The following PDE6A variants were observed in gnomAD, a reference collection of about 807,000 sequenced individuals.
The protein encoded by PDE6A is phosphodiesterase 6A, also known as rod cGMP-specific 3',5'-cyclic phosphodiesterase subunit alpha.
Under a neutral mutation model 106.3 loss-of-function variants are expected in PDE6A, and 84 were observed. The observed-to-expected ratio is 0.79, with a 90% CI of 0.66 to 0.95. The LOEUF is 0.95. Among genes scored for constraint, PDE6A ranks in the 40% least tolerant of loss-of-function variants. The probability of loss-of-function intolerance (pLI) is 0.00; values close to 1 mark genes in which losing one functional copy is unlikely to be tolerated. For missense variants in PDE6A, 1,052 were observed against 1,084.9 expected (o/e 0.97, Z 0.43); for synonymous variants, 394 against 386.6 (o/e 1.02, Z -0.23).
At chr5:149,896,289 C>CT (rs964945646) in intron 12 of PDE6A, 67 bp downstream of exon 12, 97 of 1,353,674 alleles carry the variant, frequency 7.2e-5, no homozygotes, top group Non-Finnish European at 8.8e-5. Context: ...CAGATTGAGT[C>CT]TTTTTTTTAA....
intron 13 of PDE6A, 95 bp downstream of exon 13, chr5:149,895,088 A>G (rs1380289313): frequency 5.0e-6 from 4 of 798,942 alleles, no homozygotes; most frequent in Non-Finnish European, 9.0e-6. Context: ...TAAATAAAGA[A>G]AGAAGAACAA....
At chr5:149,913,345 G>A (rs2113625912) in intron 6 of PDE6A, among the ~76,000 whole-genome samples, 1 of 149,246 alleles carries the variant, frequency 6.7e-6, no homozygotes, top group East Asian at 2.0e-4. Context: ...TTCGGCCACT[G>A]CACTCCAGCC....
chr5:149,900,855 T>C (rs1289414357), intron 8 of PDE6A, among the ~76,000 whole-genome samples: 1 of 152,086 alleles, frequency 6.6e-6, no homozygotes, highest in African/African-American at 2.4e-5. Context: ...ACAGATTTTA[T>C]TGAAAATGAA....
intron 13 of PDE6A, among the ~76,000 whole-genome samples, chr5:149,892,704 C>G (rs1371307246): frequency 6.6e-6 from 1 of 152,092 alleles, no homozygotes; most frequent in Admixed American, 6.5e-5. Flanking sequence ...TGACCTCGAA[C>G]TCCTGGGCTC....
intron 3 of PDE6A, chr5:149,932,638 T>G: frequency 6.2e-7 from 1 of 1,613,672 alleles, no homozygotes; most frequent in Non-Finnish European, 8.5e-7. Context: ...GTATATTCCA[T>G]TTCGTACGAA....
chr5:149,884,362 A>G, intron 16 of PDE6A, 117 bp downstream of exon 16: 1 of 699,368 alleles, frequency 1.4e-6, no homozygotes, highest in Non-Finnish European at 2.6e-6. Context: ...ATATGTGTAT[A>G]TATGTATATA....
intron 13 of PDE6A, among the ~76,000 whole-genome samples, chr5:149,887,555 G>T (rs1752359051): frequency 6.6e-6 from 1 of 152,034 alleles, no homozygotes; most frequent in Admixed American, 6.6e-5. Context: ...TCGGCTACCT[G>T]GTGTTAGTCC....
At chr5:149,933,344 C>T (rs565698935) in intron 3 of PDE6A, among the ~76,000 whole-genome samples, 14 of 152,020 alleles carry the variant, frequency 9.2e-5, no homozygotes, top group Non-Finnish European at 1.9e-4. Flanking sequence ...AGGCTGGTCT[C>T]GAACTTCTGG....
At chr5:149,935,595 G>A (rs1269051766) in intron 1 of PDE6A, among the ~76,000 whole-genome samples, 3 of 152,180 alleles carry the variant, frequency 2.0e-5, no homozygotes, top group Admixed American at 1.3e-4. Context: ...AGTGTATAGA[G>A]GAGCACACAC....
intron 18 of PDE6A, 111 bp from the exon 19 acceptor site, chr5:149,867,910 C>A: frequency 1.7e-6 from 2 of 1,172,238 alleles, no homozygotes; most frequent in East Asian, 2.4e-5. Context: ...AAACCCATCC[C>A]TGCCCTGCCA....
In PDE6A at chr5:149,920,368, G is replaced by A. The variant is rs551504941; in HGVS notation, c.933+1267C>T. 5.3e-5 allele frequency among the ~76,000 whole-genome samples: 8 copies of A among 151,988 alleles called. No homozygotes were observed. The South Asian group carries it at 1.5e-3, about 28-fold the overall frequency. On this transcript the variant is annotated intron_variant, in intron 5 of 21. Transcript: ENST00000255266. ...GGCCGAGGTGGGCGGATCACCTGAG[G>A]TCAGGAGTTCGAGACCAGCCTGGCC...
intron 13 of PDE6A, among the ~76,000 whole-genome samples, chr5:149,892,316 A>G (rs181537856): frequency 6.8e-6 from 1 of 147,312 alleles, no homozygotes; most frequent in Admixed American, 6.7e-5. Flanking sequence ...AGCTCAAATC[A>G]AAAAAAAAAC....
chr5:149,919,382 C>A (rs1039476086), intron 5 of PDE6A, among the ~76,000 whole-genome samples: 1 of 152,126 alleles, frequency 6.6e-6, no homozygotes, highest in Non-Finnish European at 1.5e-5. Context: ...TGGTGGGGCA[C>A]CTGTAATCCC....
chr5:149,919,699 C>T (rs892940658), intron 5 of PDE6A, among the ~76,000 whole-genome samples: 11 of 152,186 alleles, frequency 7.2e-5, no homozygotes, highest in African/African-American at 2.7e-4. Context: ...AAAACTGAGT[C>T]ATCAAGAGTA....
chr5:149,901,491 G>GT (rs1472781991), intron 8 of PDE6A, among the ~76,000 whole-genome samples: 1 of 152,110 alleles, frequency 6.6e-6, no homozygotes, highest in Non-Finnish European at 1.5e-5. Flanking sequence ...TCGTGCCACT[G>GT]TACTCCAGCC....
chr5:149,938,567 G>A (rs1754245982), intron 1 of PDE6A, among the ~76,000 whole-genome samples: 1 of 152,194 alleles, frequency 6.6e-6, no homozygotes, highest in Non-Finnish European at 1.5e-5. Context: ...CAGACCTCAT[G>A]GGTTTTCCTG....
intron 6 of PDE6A, among the ~76,000 whole-genome samples, chr5:149,908,244 C>G (rs562075620): frequency 6.6e-6 from 1 of 152,300 alleles, no homozygotes; most frequent in East Asian, 1.9e-4. Flanking sequence ...GGTGGACATC[C>G]CCCATCCCTT....
Position 149,866,247 on chromosome 5 carries a change from T to C in PDE6A, c.2281A>G (p.Met761Val). The change falls in exon 20 of 22, where the codon ATG becomes GTG. Residue 761 changes from methionine (M) to valine (V), a missense_variant. Met to Val is a conservative substitution (Grantham distance 21). Coordinates refer to ENST00000255266, the MANE Select transcript of PDE6A (RefSeq NM_000440.3). ...AGTTCATCTGCTTTGTTTCTGTCCATCATGGGCTGTCATGGGGGAGAAAGA... is the reference window on the plus strand; with the variant it reads ...AGTTCATCTGCTTTGTTTCTGTCCACCATGGGCTGTCATGGGGGAGAAAGA... ...TVLQQNPIPM[M>V]DRNKADELPK... The C allele has an allele frequency of 6.2e-7, 1 of 1,611,974 alleles. No homozygotes were observed. The highest frequency in any genetic ancestry group is 8.5e-7 in the Non-Finnish European group (1 of 1,177,990).
chr5:149,865,027 G>A (rs1175135701), intron 20 of PDE6A, among the ~76,000 whole-genome samples: 1 of 152,098 alleles, frequency 6.6e-6, no homozygotes, highest in Non-Finnish European at 1.5e-5. Flanking sequence ...ATCGTTTGAG[G>A]CCAGGAGTTT....
Sources: gnomAD v4.1 joint callset for allele counts (sites outside exome capture counted in the v4.1 genomes callset) on GRCh38, gnomAD v4.1.1 for gene constraint, MANE v1.5 for transcripts, NCBI Gene and HGNC (gene_info 2026-07-23, HGNC 2026-07-21) for gene names.